Variants in UBE2G1 observed in about 807,000 individuals in gnomAD.
UBE2G1 encodes the protein ubiquitin conjugating enzyme E2 G1.
In UBE2G1, 5 loss-of-function variants were observed where a neutral mutation model predicts 22.7. The observed-to-expected ratio is 0.22, with a 90% CI of 0.12 to 0.46. UBE2G1 has a LOEUF of 0.46. Among genes scored for constraint, UBE2G1 ranks in the 20% least tolerant of loss-of-function variants. UBE2G1 has a pLI of 0.99. For missense variants in UBE2G1, 88 were observed against 203.9 expected (o/e 0.43, Z 3.46); for synonymous variants, 74 against 67.5 (o/e 1.10, Z -0.47).
chr17:4,346,269 A>G (rs1185080531), intron 1 of UBE2G1, among the ~76,000 whole-genome samples: 1 of 152,052 alleles, frequency 6.6e-6, no homozygotes, highest in Admixed American at 6.6e-5. Context: ...TTACCTGTAA[A>G]AACCACACAG....
At chr17:4,360,686 C>T (rs780615129) in intron 1 of UBE2G1, among the ~76,000 whole-genome samples, 1 of 151,950 alleles carries the variant, frequency 6.6e-6, no homozygotes, top group Non-Finnish European at 1.5e-5. Flanking sequence ...CTGAGGCGGG[C>T]AGATCGCCTA....
chr17:4,357,425 G>A, intron 1 of UBE2G1, among the ~76,000 whole-genome samples: 1 of 144,552 alleles, frequency 6.9e-6, no homozygotes, highest in Non-Finnish European at 1.5e-5. Context: ...ATCCCCTGGA[G>A]GTCTTGGAAA....
chr17:4,336,172 A>G (rs1969643575), intron 1 of UBE2G1, among the ~76,000 whole-genome samples: 1 of 152,060 alleles, frequency 6.6e-6, no homozygotes, highest in Non-Finnish European at 1.5e-5. Context: ...AAGAAAACCA[A>G]AAGCAAACAT....
chr17:4,315,187 TAATCACTTC>T (rs1458154454), intron 1 of UBE2G1, among the ~76,000 whole-genome samples: 1 of 152,188 alleles, frequency 6.6e-6, no homozygotes, highest in Non-Finnish European at 1.5e-5. Flanking sequence ...ATCCATGACC[TAATCACTTC>T]AGGGGCTGGG....
chr17:4,344,129 G>A (rs1969742446), intron 1 of UBE2G1, among the ~76,000 whole-genome samples: 1 of 152,170 alleles, frequency 6.6e-6, no homozygotes, highest in Admixed American at 6.5e-5. Context: ...CAATCGTAAA[G>A]CAAGTTCATA....
chr17:4,324,591 T>C (rs532325665), intron 1 of UBE2G1, among the ~76,000 whole-genome samples: 1 of 152,212 alleles, frequency 6.6e-6, no homozygotes, highest in South Asian at 2.1e-4. Context: ...AATTGCTTTA[T>C]TTATAAAGTG....
At chr17:4,316,337 CAGA>C (rs1969373121) in intron 1 of UBE2G1, among the ~76,000 whole-genome samples, 1 of 37,564 alleles carries the variant, frequency 2.7e-5, no homozygotes, top group Non-Finnish European at 1.5e-4. Flanking sequence ...CATAGATAGA[CAGA>C]CCCCTTTACC....
At chr17:4,361,864 C>T (rs969975781) in intron 1 of UBE2G1, among the ~76,000 whole-genome samples, 1 of 151,878 alleles carries the variant, frequency 6.6e-6, no homozygotes, top group Non-Finnish European at 1.5e-5. Context: ...AACGCTTGAA[C>T]CCGCGAGGCG....
At position 4,282,865 on chromosome 17, in the gene UBE2G1, T is replaced by C; in HGVS notation, c.483A>G (p.Val161=). The change falls in exon 5 of 6, where the codon GTA becomes GTG. Residue 161 remains valine, a synonymous_variant. Coordinates refer to ENST00000396981, the MANE Select transcript of UBE2G1 (RefSeq NM_003342.5). ...CAAAAGCAGTCTCTTGGCTTTTTCT[T>C]ACACAGCGGGCAACTTTTCTTTTAA... ...GEFKRKVARC[V]RKSQETAFE is the part of the protein sequence containing the mutation. 2 of 1,613,376 alleles carry C rather than the reference T, an allele frequency of 1.2e-6. No individual in the cohort carries two copies. Among genetic ancestry groups the C allele is most frequent in the Non-Finnish European group, 1.7e-6 (2 of 1,179,722 alleles).
chr17:4,353,879 G>A (rs962157398), intron 1 of UBE2G1, among the ~76,000 whole-genome samples: 6 of 144,404 alleles, frequency 4.2e-5, no homozygotes, highest in African/African-American at 1.3e-4. Context: ...ATGCAGTGGC[G>A]TGATCTCAGC....
At chr17:4,342,953 CTCT>C in intron 1 of UBE2G1, among the ~76,000 whole-genome samples, 1 of 152,298 alleles carries the variant, frequency 6.6e-6, no homozygotes, top group East Asian at 1.9e-4. Flanking sequence ...GCCTGGAAAG[CTCT>C]TCAAGACATC....
rs762765268 is a variant in UBE2G1 at position 4,289,353 on chromosome 17, C to G, written c.303G>C (p.Lys101Asn). The change falls in exon 4 of 6, where the codon AAG becomes AAC. Residue 101 changes from lysine (K) to asparagine (N), a missense_variant. Coordinates refer to ENST00000396981, the MANE Select transcript of UBE2G1 (RefSeq NM_003342.5). The stretch of plus-strand genomic sequence containing the variant: ...GTTCCTCTGGCTTTTCATAACCATA[C>G]TTATCTTCCCCAGGCTCATGAAGAA... ...ISILHEPGED[K>N]YGYEKPEERW... 6.3e-7 allele frequency: 1 copy of G among 1,596,008 alleles called. No homozygotes were observed. The highest frequency in any genetic ancestry group is 1.1e-5 in the South Asian group (1 of 88,096).
At chr17:4,300,679 T>C (rs1049612073) in intron 2 of UBE2G1, among the ~76,000 whole-genome samples, 6 of 150,774 alleles carry the variant, frequency 4.0e-5, no homozygotes, top group African/African-American at 1.5e-4. Context: ...AAAAGAGGTA[T>C]GTAGGCCGGG....
chr17:4,338,321 A>C (rs898340116), intron 1 of UBE2G1, among the ~76,000 whole-genome samples: 1 of 152,216 alleles, frequency 6.6e-6, no homozygotes, highest in African/African-American at 2.4e-5. Flanking sequence ...AAATAAGTAT[A>C]AAATATGTTT....
chr17:4,313,241 T>G (rs1300284312), intron 1 of UBE2G1, among the ~76,000 whole-genome samples: 1 of 152,124 alleles, frequency 6.6e-6, no homozygotes, highest in Non-Finnish European at 1.5e-5. Flanking sequence ...AACTCAACAG[T>G]CAAATAATGC....
chr17:4,350,569 G>T (rs915080726), intron 1 of UBE2G1, among the ~76,000 whole-genome samples: 1 of 152,072 alleles, frequency 6.6e-6, no homozygotes, highest in African/African-American at 2.4e-5. Flanking sequence ...AACAGTGTCA[G>T]TCTCCAAATT....
At chr17:4,311,402 A>C (rs1345608582) in intron 1 of UBE2G1, among the ~76,000 whole-genome samples, 2 of 152,230 alleles carry the variant, frequency 1.3e-5, no homozygotes, top group Non-Finnish European at 2.9e-5. Flanking sequence ...CAAAAGGCAG[A>C]AACTCAAGTG....
At chr17:4,307,791 G>A (rs1179406411) in intron 1 of UBE2G1, among the ~76,000 whole-genome samples, 2 of 152,152 alleles carry the variant, frequency 1.3e-5, no homozygotes, top group East Asian at 3.9e-4. Context: ...AGCATCGTGA[G>A]GTTCTCCTCC....
chr17:4,279,970 A>G (rs147795552), intron 5 of UBE2G1, among the ~76,000 whole-genome samples: 11 of 152,064 alleles, frequency 7.2e-5, no homozygotes, highest in African/African-American at 2.7e-4. Context: ...ATGAAACGAT[A>G]TGCAATTTCA....
Sources: allele counts gnomAD v4.1 joint callset (sites outside exome capture counted in the v4.1 genomes callset), GRCh38; gene constraint gnomAD v4.1.1; transcripts MANE v1.5; gene names NCBI Gene and HGNC (gene_info 2026-07-23, HGNC 2026-07-21).